The following IGSF10 variants were observed in gnomAD, a reference collection of about 807,000 sequenced individuals.
The protein encoded by IGSF10 is immunoglobulin superfamily member 10.
In IGSF10, 126 loss-of-function variants were observed where a neutral mutation model predicts 128.2. The ratio of observed to expected loss-of-function variants is 0.98; its 90% CI spans 0.85 to 1.14. The LOEUF (loss-of-function observed/expected upper bound fraction) is 1.14, where lower values mean the gene tolerates loss of function less well. IGSF10 is among the 50% of genes most tolerant of loss of function. The pLI, the probability that IGSF10 is intolerant of heterozygous loss-of-function variation, is 0.00. For missense variants in IGSF10, 3,295 were observed against 3,149.8 expected (o/e 1.05, Z -1.10); for synonymous variants, 1,185 against 1,146.2 (o/e 1.03, Z -0.68).
chr3:151,539,651 C>A, the IGSF10 span, among the ~76,000 whole-genome samples: 2,586 of 152,162 alleles, frequency 0.017, 23 homozygotes, highest in Middle Eastern at 0.051. Flanking sequence ...AATCTGTAAT[C>A]CGACCACCCC....
Position 151,445,626 on chromosome 3 carries a change from G to A in IGSF10, c.4355C>T (p.Thr1452Ile). ...LSSKSHQSTT[T>I]RKAIIRHSTI... is the part of the protein sequence containing the mutation. ...TGAGTGTCTAATGATTGCTTTCCTA[G>A]TTGTGGTACTCTGGTGTGATTTGCT... Residue 1452 changes from threonine to isoleucine, a missense_variant, in exon 6 of 8, where the codon ACT (threonine) becomes ATT (isoleucine). Coordinates refer to ENST00000282466, the MANE Select transcript of IGSF10 (RefSeq NM_178822.5). 6.2e-7 allele frequency: 1 copy of A among 1,614,244 alleles called. No individual in the cohort carries two copies. The highest frequency in any genetic ancestry group is 8.5e-7 in the Non-Finnish European group (1 of 1,180,044).
At chr3:151,493,331 TC>T in the IGSF10 span, among the ~76,000 whole-genome samples, 1 of 152,192 alleles carries the variant, frequency 6.6e-6, no homozygotes, top group African/African-American at 2.4e-5. Flanking sequence ...TTAGTTTGCT[TC>T]ACTATAGTAA....
chr3:151,476,346 C>T, the IGSF10 span, among the ~76,000 whole-genome samples: 3 of 151,994 alleles, frequency 2.0e-5, no homozygotes, highest in South Asian at 2.1e-4. Flanking sequence ...TGTGGAGAAA[C>T]ATGCTGTTTT....
the IGSF10 span, among the ~76,000 whole-genome samples, chr3:151,467,154 G>A: frequency 6.6e-6 from 1 of 152,166 alleles, no homozygotes; most frequent in Non-Finnish European, 1.5e-5. Context: ...AGAGGGCTGT[G>A]CTCTGACTGA....
chr3:151,509,720 T>C, the IGSF10 span, among the ~76,000 whole-genome samples: 1 of 152,204 alleles, frequency 6.6e-6, no homozygotes, highest in African/African-American at 2.4e-5. Flanking sequence ...GAATTCCCTT[T>C]CCTAGTCAAA....
At chr3:151,561,654 A>G in the IGSF10 span, among the ~76,000 whole-genome samples, 1 of 152,170 alleles carries the variant, frequency 6.6e-6, no homozygotes, top group African/African-American at 2.4e-5. Flanking sequence ...AACGTCCTCT[A>G]AGATATCCTG....
chr3:151,492,486 G>T, the IGSF10 span, among the ~76,000 whole-genome samples: 1 of 152,172 alleles, frequency 6.6e-6, no homozygotes, highest in African/African-American at 2.4e-5. Context: ...CATAATCCCA[G>T]CACTTTGGGG....
chr3:151,450,261 C>T (rs1014176661), intron 5 of IGSF10, among the ~76,000 whole-genome samples: 2 of 152,202 alleles, frequency 1.3e-5, no homozygotes, highest in African/African-American at 2.4e-5. Context: ...ATAGACTTTT[C>T]CCTTACACAA....
chr3:151,477,859 G>A, the IGSF10 span, among the ~76,000 whole-genome samples: 1 of 152,332 alleles, frequency 6.6e-6, no homozygotes, highest in East Asian at 1.9e-4. Flanking sequence ...CTTTTGTAGG[G>A]AAAGCAGCCA....
chr3:151,459,411 A>T (rs1721949711), intron 2 of IGSF10, among the ~76,000 whole-genome samples: 1 of 152,160 alleles, frequency 6.6e-6, no homozygotes, highest in South Asian at 2.1e-4. Flanking sequence ...GGGAGAATAA[A>T]TCTCTTTCTA....
At chr3:151,510,102 C>A in the IGSF10 span, among the ~76,000 whole-genome samples, 5 of 152,224 alleles carry the variant, frequency 3.3e-5, no homozygotes, top group African/African-American at 1.2e-4. Context: ...TTAAATGTCC[C>A]TGTCTGACAG....
At chr3:151,527,004 CT>C in the IGSF10 span, among the ~76,000 whole-genome samples, 5,936 of 152,256 alleles carry the variant, frequency 0.039, 378 homozygotes, top group African/African-American at 0.14. Context: ...GCTGAATTTG[CT>C]TTTTGTTGAC....
the IGSF10 span, among the ~76,000 whole-genome samples, chr3:151,482,559 G>C: frequency 6.6e-6 from 1 of 152,114 alleles, no homozygotes; most frequent in Non-Finnish European, 1.5e-5. Context: ...GCATTATTAA[G>C]CAAACAAATA....
At chr3:151,498,140 C>G in the IGSF10 span, among the ~76,000 whole-genome samples, 1 of 152,164 alleles carries the variant, frequency 6.6e-6, no homozygotes, top group African/African-American at 2.4e-5. Context: ...TTGACTTCCT[C>G]TTTTCCTAAT....
At position 151,445,749 on chromosome 3, in the gene IGSF10, T is replaced by C; in HGVS notation, c.4232A>G (p.His1411Arg). 1 of 1,614,070 alleles carries C rather than the reference T, an allele frequency of 6.2e-7. No homozygotes were observed. The change falls in exon 6 of 8, where the codon CAT (histidine) becomes CGT (arginine). Residue 1411 changes from histidine (H) to arginine (R), a missense_variant. By Grantham distance (29) the His-to-Arg change is conservative. Transcript: ENST00000282466. Reference sequence around the variant, plus strand: ...ATCTGTCAGATTAAGAGTTCTTGAATGAAAACTGATTGTGCTTGAAATCCC... The same window carrying C: ...ATCTGTCAGATTAAGAGTTCTTGAACGAAAACTGATTGTGCTTGAAATCCC... ...TTGISSTISF[H>R]SRTLNLTDVI...
rs771097548 is a variant in IGSF10, at chr3:151,453,401, C to T, written c.698G>A (p.Trp233Ter). 13 of 1,598,514 alleles carry T rather than the reference C, an allele frequency of 8.1e-6. No individual in the cohort carries two copies. The highest frequency in any genetic ancestry group is 8.5e-6 in the Non-Finnish European group (10 of 1,175,500). The change falls in exon 5 of 8, where the codon TGG (tryptophan) becomes TAG (stop). Residue 233 changes from tryptophan (W) to a stop codon, truncating the protein, a stop_gained. Coordinates refer to ENST00000282466, the MANE Select transcript of IGSF10 (RefSeq NM_178822.5). LOFTEE classifies it high-confidence loss of function. ...ATAGATACCTGGCTTCTCCTGTATCCAGTCAGACAACCACTTTAAATGGCA... is the reference window on the plus strand; with the variant it reads ...ATAGATACCTGGCTTCTCCTGTATCTAGTCAGACAACCACTTTAAATGGCA... ...CDCHLKWLSD[W>*]IQEKPDVIKC... is the part of the protein sequence containing the mutation.
intron 7 of IGSF10, among the ~76,000 whole-genome samples, chr3:151,442,688 C>G (rs1720933105): frequency 6.6e-6 from 1 of 151,970 alleles, no homozygotes; most frequent in Admixed American, 6.6e-5. Flanking sequence ...CGTGCCTGTC[C>G]TACAGTTACT....
the IGSF10 span, among the ~76,000 whole-genome samples, chr3:151,526,720 C>T: frequency 6.6e-6 from 1 of 152,014 alleles, no homozygotes; most frequent in Admixed American, 6.5e-5. Flanking sequence ...GATGCATTTG[C>T]TTTCAGATTT....
the IGSF10 span, among the ~76,000 whole-genome samples, chr3:151,545,034 G>A: frequency 5.3e-5 from 8 of 152,106 alleles, no homozygotes; most frequent in Admixed American, 2.6e-4. Context: ...CTACATTTAA[G>A]TGTTTTAAAA....
Sources: gnomAD v4.1 joint callset for allele counts (sites outside exome capture counted in the v4.1 genomes callset) on GRCh38, gnomAD v4.1.1 for gene constraint, MANE v1.5 for transcripts, NCBI Gene and HGNC (gene_info 2026-07-23, HGNC 2026-07-21) for gene names.